UNC13C: variants seen among roughly 807,000 people sequenced by gnomAD.
UNC13C encodes the protein protein unc-13 homolog C.
In UNC13C, 174 loss-of-function variants were observed where a neutral mutation model predicts 245.4. That is an observed-to-expected ratio of 0.71 (90% CI 0.63 to 0.80). UNC13C has a LOEUF of 0.80. Among genes scored for constraint, UNC13C ranks in the 30% least tolerant of loss-of-function variants. The pLI is 0.00. For synonymous variants in UNC13C, 992 were observed against 895.1 expected (o/e 1.11, Z -1.93); for missense variants, 2,829 against 2,602.9 (o/e 1.09, Z -1.89).
chr15:54,065,691 C>A (rs1294161712), intron 2 of UNC13C, among the ~76,000 whole-genome samples: 1 of 152,188 alleles, frequency 6.6e-6, no homozygotes, highest in East Asian at 1.9e-4. Flanking sequence ...AAGACCAGTA[C>A]CTCACAAGAA....
At chr15:54,566,942 C>G (rs141448136) in intron 29 of UNC13C, among the ~76,000 whole-genome samples, 1 of 151,848 alleles carries the variant, frequency 6.6e-6, no homozygotes, top group Non-Finnish European at 1.5e-5. Flanking sequence ...ATTGTTGGTA[C>G]GGGAAGAGAG....
intron 1 of UNC13C, among the ~76,000 whole-genome samples, chr15:53,998,490 T>G (rs1338708763): frequency 6.6e-6 from 1 of 152,126 alleles, no homozygotes; most frequent in Admixed American, 6.5e-5. Flanking sequence ...CTTGCCAAAT[T>G]TAGTTTTCAG....
chr15:54,428,878 TC>T (rs1352792482), intron 19 of UNC13C, among the ~76,000 whole-genome samples: 1 of 151,674 alleles, frequency 6.6e-6, no homozygotes, highest in Non-Finnish European at 1.5e-5. Flanking sequence ...CCCCACCCTT[TC>T]TCGGATTGGT....
At position 54,013,210 on chromosome 15, in the gene UNC13C, C is replaced by A. The variant is rs1354196839; in HGVS notation, c.307C>A (p.Gln103Lys). The change falls in exon 2 of 33, where the codon CAA becomes AAA. Residue 103 changes from glutamine (Q) to lysine (K), a missense_variant. Coordinates refer to ENST00000260323, the MANE Select transcript of UNC13C (RefSeq NM_001080534.3). ...SYRVAIANGL[Q>K]KNAKVTNSDN... ...CCGAGTAGCTATTGCCAATGGCCTA[C>A]AAAAGAATGCTAAAGTAACCAACAG... 1.2e-6 allele frequency: 2 copies of A among 1,613,610 alleles called. No individual in the cohort carries two copies. Among genetic ancestry groups the A allele is most frequent in the Admixed American group, 1.7e-5 (1 of 59,874 alleles).
At chr15:54,441,680 T>C (rs1349891807) in intron 19 of UNC13C, among the ~76,000 whole-genome samples, 1 of 149,068 alleles carries the variant, frequency 6.7e-6, no homozygotes, top group Non-Finnish European at 1.5e-5. Context: ...TGGTGTCTTT[T>C]GTGGCTACAT....
chr15:53,903,696 A>G, the UNC13C span, among the ~76,000 whole-genome samples: 2 of 152,190 alleles, frequency 1.3e-5, no homozygotes, highest in Non-Finnish European at 2.9e-5. Context: ...TAGGATAAGG[A>G]AAGCAGGCAG....
chr15:54,215,219 G>A (rs2035004808), intron 4 of UNC13C, among the ~76,000 whole-genome samples: 1 of 151,888 alleles, frequency 6.6e-6, no homozygotes, highest in Admixed American at 6.6e-5. Flanking sequence ...TTGTTCCCAA[G>A]CCTACCATTG....
chr15:54,311,851 T>C (rs1432391104), intron 13 of UNC13C, among the ~76,000 whole-genome samples: 1 of 151,844 alleles, frequency 6.6e-6, no homozygotes, highest in Admixed American at 6.6e-5. Context: ...TTGCATGATG[T>C]ACTTTAAAGT....
intron 19 of UNC13C, among the ~76,000 whole-genome samples, chr15:54,457,685 A>G (rs2414309): frequency 0.13 from 19,225 of 151,994 alleles, 1,344 homozygotes; most frequent in Non-Finnish European, 0.17. Flanking sequence ...ATTGCCTTGA[A>G]TGATCTTTTG....
intron 19 of UNC13C, among the ~76,000 whole-genome samples, chr15:54,434,248 G>T (rs187452834): frequency 7.5e-4 from 114 of 151,638 alleles, no homozygotes; most frequent in Non-Finnish European, 1.0e-4. Flanking sequence ...ATTTCATATG[G>T]AACAACAACA....
chr15:54,310,965 C>T (rs914440839), intron 13 of UNC13C, among the ~76,000 whole-genome samples: 1 of 151,684 alleles, frequency 6.6e-6, no homozygotes, highest in Non-Finnish European at 1.5e-5. Flanking sequence ...ACCTTTATCA[C>T]ATCAATTGCC....
chr15:54,347,558 T>C (rs565888582), intron 17 of UNC13C, among the ~76,000 whole-genome samples: 1 of 152,268 alleles, frequency 6.6e-6, no homozygotes, highest in South Asian at 2.1e-4. Context: ...GATTAGAAGG[T>C]TTGTAACTAA....
chr15:54,161,035 A>G (rs1157734190), intron 4 of UNC13C, among the ~76,000 whole-genome samples: 1 of 152,176 alleles, frequency 6.6e-6, no homozygotes, highest in Non-Finnish European at 1.5e-5. Context: ...TAATTAAACA[A>G]AAGAGCTCAG....
chr15:53,851,766 C>G, the UNC13C span, among the ~76,000 whole-genome samples: 4 of 152,132 alleles, frequency 2.6e-5, no homozygotes, highest in Non-Finnish European at 5.9e-5. Flanking sequence ...TTCAATCACG[C>G]CTGTCCAACG....
chr15:54,585,697 T>C (rs1024746227), intron 30 of UNC13C, among the ~76,000 whole-genome samples: 2 of 152,182 alleles, frequency 1.3e-5, no homozygotes, highest in Admixed American at 1.3e-4. Flanking sequence ...ACAGTTTTAT[T>C]GAGTAAGCAT....
chr15:54,074,812 C>T lies in UNC13C; in HGVS notation c.2983+58926C>T, dbSNP rs373772435. On this transcript the variant is annotated intron_variant, in intron 2 of 32. Transcript: ENST00000260323. ...GGGTTTTCTATATATTCAATCATGTCATCTGCAAACAGAGACAATTTGACT... is the reference window on the plus strand; with the variant it reads ...GGGTTTTCTATATATTCAATCATGTTATCTGCAAACAGAGACAATTTGACT... Among the ~76,000 whole-genome samples the T allele has an allele frequency of 9.9e-5, 15 of 152,264 alleles. No individual in the cohort carries two copies. In the East Asian group the frequency reaches 2.1e-3, roughly 22 times the overall value.
At chr15:53,963,524 C>T in the UNC13C span, among the ~76,000 whole-genome samples, 3 of 152,218 alleles carry the variant, frequency 2.0e-5, no homozygotes, top group African/African-American at 7.2e-5. Flanking sequence ...CCATATGGGA[C>T]AATACACGTG....
intron 4 of UNC13C, among the ~76,000 whole-genome samples, chr15:54,201,982 C>A (rs1470317380): frequency 6.6e-6 from 1 of 151,862 alleles, no homozygotes; most frequent in Non-Finnish European, 1.5e-5. Flanking sequence ...GATATAAAAT[C>A]AATGTACACA....
chr15:54,000,160 TAG>T (rs1282519631), intron 1 of UNC13C, among the ~76,000 whole-genome samples: 2 of 152,084 alleles, frequency 1.3e-5, no homozygotes, highest in African/African-American at 2.4e-5. Context: ...CCTCCTAAAA[TAG>T]AGTCTTAAAG....
Sources: allele counts gnomAD v4.1 joint callset (sites outside exome capture counted in the v4.1 genomes callset), GRCh38; gene constraint gnomAD v4.1.1; transcripts MANE v1.5; gene names NCBI Gene and HGNC (gene_info 2026-07-23, HGNC 2026-07-21).